Variants in CLEC16A observed in about 807,000 individuals in gnomAD.
CLEC16A encodes the protein C-type lectin domain containing 16A.
A neutral mutation model predicts 109.5 loss-of-function variants in CLEC16A; 51 were observed. The observed-to-expected ratio is 0.47, with a 90% CI of 0.37 to 0.59. The LOEUF is 0.59. CLEC16A is among the 20% of genes least tolerant of loss of function. The pLI, the probability that CLEC16A is intolerant of heterozygous loss-of-function variation, is 0.00. For missense variants in CLEC16A, 1,339 were observed against 1,394.0 expected, an observed-to-expected ratio of 0.96 and a Z score of 0.63; for synonymous variants, 673 against 564.2, an observed-to-expected ratio of 1.19 and a Z score of -2.73.
intron 22 of CLEC16A, chr16:11,156,972 C>A: frequency 1.5e-6 from 1 of 688,598 alleles, no homozygotes; most frequent in Non-Finnish European, 2.1e-6. Flanking sequence ...GACTTGGCAG[C>A]CCTCACAGGC....
chr16:11,129,877 C>T (rs2053082816), intron 22 of CLEC16A, among the ~76,000 whole-genome samples: 1 of 152,050 alleles, frequency 6.6e-6, no homozygotes, highest in Admixed American at 6.5e-5. Context: ...ATTCTCCTGC[C>T]TCAGCCTCCC....
At chr16:11,099,077 T>C (rs1372943517) in intron 19 of CLEC16A, among the ~76,000 whole-genome samples, 1 of 150,974 alleles carries the variant, frequency 6.6e-6, no homozygotes, top group African/African-American at 2.4e-5. Flanking sequence ...AGGTGAGGCA[T>C]GGGAGTCATA....
intron 19 of CLEC16A, among the ~76,000 whole-genome samples, chr16:11,090,749 A>G (rs1227263959): frequency 6.8e-6 from 1 of 147,308 alleles, no homozygotes; most frequent in Non-Finnish European, 1.5e-5. Context: ...GGTTCAAGTG[A>G]TTCTCCTGCC....
chr16:10,965,695 G>C (rs568880682), intron 3 of CLEC16A, among the ~76,000 whole-genome samples: 1 of 152,202 alleles, frequency 6.6e-6, no homozygotes. Flanking sequence ...CTGAGATTAC[G>C]TACAGGCTCC....
At chr16:11,002,290 T>G (rs2044712933) in intron 10 of CLEC16A, among the ~76,000 whole-genome samples, 1 of 152,228 alleles carries the variant, frequency 6.6e-6, no homozygotes. Flanking sequence ...ACAGAAGTGT[T>G]CATCAGAAGT....
intron 22 of CLEC16A, among the ~76,000 whole-genome samples, chr16:11,163,367 G>A (rs2054793927): frequency 6.6e-6 from 1 of 152,246 alleles, no homozygotes; most frequent in Admixed American, 6.5e-5. Context: ...CTGGCAAAGG[G>A]AGAGAGAGTG....
chr16:11,003,651 C>T (rs1039012434), intron 11 of CLEC16A, among the ~76,000 whole-genome samples: 2 of 152,104 alleles, frequency 1.3e-5, no homozygotes, highest in South Asian at 2.1e-4. Flanking sequence ...CCAAACAGTG[C>T]CTGGCCCATT....
At position 11,018,218 on chromosome 16, in the gene CLEC16A, G is replaced by A. The variant is rs930977066; in HGVS notation, c.1304-1975G>A. Among the ~76,000 whole-genome samples the A allele has an allele frequency of 6.7e-4, 102 of 151,306 alleles. 1 individual carries two copies. Among genetic ancestry groups the A allele is most frequent in the Admixed American group, 6.7e-3 (102 of 15,204 alleles). On this transcript the variant is annotated intron_variant, in intron 11 of 23. Coordinates refer to ENST00000409790, the MANE Select transcript of CLEC16A (RefSeq NM_015226.3). ...GCTACTCGGGAGCCCAGGTGGTCAA[G>A]GCTACAGTGAGCCATGATCACACCA...
chr16:11,071,599 T>C (rs2049074024), intron 19 of CLEC16A, among the ~76,000 whole-genome samples: 1 of 150,258 alleles, frequency 6.7e-6, no homozygotes, highest in African/African-American at 2.4e-5. Flanking sequence ...ATATTACGTT[T>C]CTTTTTTTTT....
intron 13 of CLEC16A, chr16:11,027,746 C>T: frequency 2.6e-6 from 4 of 1,510,748 alleles, no homozygotes; most frequent in Non-Finnish European, 3.6e-6. Flanking sequence ...TCAATCAGCT[C>T]ATCCGCCAGC....
chr16:10,968,673 G>A (rs1462879751), intron 3 of CLEC16A, among the ~76,000 whole-genome samples: 2 of 152,184 alleles, frequency 1.3e-5, no homozygotes, highest in African/African-American at 4.8e-5. Flanking sequence ...CTAGTGGCCG[G>A]CATGTAGTAG....
chr16:10,951,790 C>T (rs1470703445), intron 1 of CLEC16A, among the ~76,000 whole-genome samples: 1 of 152,150 alleles, frequency 6.6e-6, no homozygotes, highest in African/African-American at 2.4e-5. Context: ...ATTATTCTGT[C>T]CTTTGAAACT....
At chr16:11,011,411 A>C (rs1280018064) in intron 11 of CLEC16A, among the ~76,000 whole-genome samples, 1 of 151,956 alleles carries the variant, frequency 6.6e-6, no homozygotes, top group Non-Finnish European at 1.5e-5. Flanking sequence ...TACTGTATTT[A>C]ATTATTTTGG....
At chr16:10,979,281 G>A (rs200923691) in intron 8 of CLEC16A, 48 bp from the exon 9 acceptor site, 6 of 1,564,256 alleles carry the variant, frequency 3.8e-6, no homozygotes, top group South Asian at 2.3e-5. Context: ...TGTGCTGCTC[G>A]CTTGTGTGAC....
At chr16:11,093,324 A>G (rs763788149) in intron 19 of CLEC16A, among the ~76,000 whole-genome samples, 103 of 152,338 alleles carry the variant, frequency 6.8e-4, no homozygotes, top group Non-Finnish European at 1.1e-3. Context: ...TTCCTCAGCC[A>G]GTGCGGTTAC....
chr16:11,177,497 G>A (rs1184089718), intron 23 of CLEC16A, among the ~76,000 whole-genome samples: 2 of 152,050 alleles, frequency 1.3e-5, no homozygotes, highest in Non-Finnish European at 2.9e-5. Flanking sequence ...CTACTCGGGA[G>A]GCTGAGGCAC....
chr16:11,020,470 T>G, intron 12 of CLEC16A, 145 bp downstream of exon 12: 4 of 1,062,394 alleles, frequency 3.8e-6, no homozygotes, highest in Non-Finnish European at 5.2e-6. Flanking sequence ...TCTCCAGCTC[T>G]GGCCACCCAG....
In CLEC16A at chr16:11,104,509, C is replaced by A. The variant is rs981266370; in HGVS notation, c.2117-16106C>A. ...CCCTAAGGAAGGAGAATACCCTGGG[C>A]CAGGATCTGCTCTCTGGAATACCCT... On this transcript the variant is annotated intron_variant, in intron 19 of 23. Coordinates refer to ENST00000409790, the MANE Select transcript of CLEC16A (RefSeq NM_015226.3). 4.6e-5 allele frequency among the ~76,000 whole-genome samples: 7 copies of A among 152,266 alleles called. No homozygotes were observed. In the South Asian group the frequency reaches 1.4e-3, roughly 32 times the overall value.
At chr16:11,150,307 A>T (rs1447021409) in intron 22 of CLEC16A, 3 of 152,206 alleles carry the variant, frequency 2.0e-5, no homozygotes, top group African/African-American at 7.2e-5. Context: ...TAAAATCATA[A>T]TTCTGTATAC....
Sources: gnomAD v4.1 joint callset for allele counts (sites outside exome capture counted in the v4.1 genomes callset) on GRCh38, gnomAD v4.1.1 for gene constraint, MANE v1.5 for transcripts, NCBI Gene and HGNC (gene_info 2026-07-23, HGNC 2026-07-21) for gene names.